The following FBXO11 variants were observed in gnomAD, a reference collection of about 807,000 sequenced individuals.
FBXO11 encodes F-box only protein 11.
A neutral mutation model predicts 117.0 loss-of-function variants in FBXO11; 13 were observed. The observed-to-expected ratio is 0.11, with a 90% CI of 0.07 to 0.18. The LOEUF is 0.18. Among genes scored for constraint, FBXO11 ranks in the 10% least tolerant of loss-of-function variants. The pLI is 1.00. For missense variants in FBXO11, 767 were observed against 1,164.4 expected (o/e 0.66, Z 4.97); for synonymous variants, 490 against 380.5 (o/e 1.29, Z -3.35).
intron 18 of FBXO11, chr2:47,811,306 A>C (rs914024008): frequency 6.6e-6 from 1 of 152,056 alleles, no homozygotes; most frequent in Non-Finnish European, 1.5e-5. Context: ...GCTCACTGCA[A>C]CCCCTGCCTC....
intron 1 of FBXO11, among the ~76,000 whole-genome samples, chr2:47,886,585 G>C (rs900445077): frequency 6.6e-6 from 1 of 151,864 alleles, no homozygotes; most frequent in Non-Finnish European, 1.5e-5. Flanking sequence ...GTTTGCTGCA[G>C]TTCTTTAATA....
At chr2:47,859,298 C>A (rs1465107901) in intron 1 of FBXO11, among the ~76,000 whole-genome samples, 2 of 151,464 alleles carry the variant, frequency 1.3e-5, no homozygotes, top group Non-Finnish European at 2.9e-5. Flanking sequence ...TATTAAAATA[C>A]AAAAATAAAA....
intron 1 of FBXO11, among the ~76,000 whole-genome samples, chr2:47,880,757 T>C (rs574942562): frequency 5.2e-4 from 79 of 152,360 alleles, no homozygotes; most frequent in African/African-American, 1.9e-3. Context: ...CCACCTGGTA[T>C]GTTAAAATCA....
chr2:47,829,259 G>C (rs1157428254), intron 11 of FBXO11, among the ~76,000 whole-genome samples: 3 of 146,206 alleles, frequency 2.1e-5, no homozygotes, highest in East Asian at 2.1e-4. Context: ...TTTATTTTTT[G>C]AGACAGAGTC....
At chr2:47,835,782 G>C (rs1173431181) in intron 5 of FBXO11, 90 bp downstream of exon 5, 5 of 1,018,858 alleles carry the variant, frequency 4.9e-6, no homozygotes, top group Non-Finnish European at 6.9e-6. Flanking sequence ...ACAGGTGTGA[G>C]CCACCACGCC....
intron 1 of FBXO11, among the ~76,000 whole-genome samples, chr2:47,895,883 G>A (rs145988807): frequency 0.013 from 2,009 of 152,172 alleles, 34 homozygotes; most frequent in African/African-American, 0.044. Flanking sequence ...TTTTAGTAGA[G>A]ACAGGGTTTC....
chr2:47,860,833 G>A (rs1388214788), intron 1 of FBXO11, among the ~76,000 whole-genome samples: 1 of 136,752 alleles, frequency 7.3e-6, no homozygotes, highest in South Asian at 2.3e-4. Flanking sequence ...AAAATCAGTT[G>A]TTTTCCCCTA....
intron 1 of FBXO11, among the ~76,000 whole-genome samples, chr2:47,883,080 C>T (rs917423715): frequency 2.0e-5 from 3 of 152,192 alleles, no homozygotes; most frequent in African/African-American, 7.2e-5. Context: ...TATTTACAAG[C>T]TTTACTCAAG....
chr2:47,810,428 T>TA lies in FBXO11; in HGVS notation c.2228-3dup, dbSNP rs748278829. 1 of 1,578,098 alleles carries TA rather than the reference T, an allele frequency of 6.3e-7. No homozygotes were observed. The highest frequency in any genetic ancestry group is 8.7e-7 in the Non-Finnish European group (1 of 1,153,214). ...AAATATCATTTTCTTCAAGGAGACC[T>TA]ATAATAAAATATTTCCTTAGATTAA... On this transcript the variant is annotated splice_polypyrimidine_tract_variant and splice_region_variant and intron_variant, in intron 18 of 22. Coordinates refer to ENST00000403359, the MANE Select transcript of FBXO11 (RefSeq NM_001190274.2).
chr2:47,827,525 TG>T (rs1286662420), intron 11 of FBXO11, among the ~76,000 whole-genome samples: 2 of 152,132 alleles, frequency 1.3e-5, no homozygotes, highest in East Asian at 3.9e-4. Flanking sequence ...CAGGATGGTC[TG>T]GAACTCCTGA....
chr2:47,846,551 G>C (rs1253879907), intron 1 of FBXO11, among the ~76,000 whole-genome samples: 1 of 151,830 alleles, frequency 6.6e-6, no homozygotes, highest in Non-Finnish European at 1.5e-5. Context: ...TGTAATCAAA[G>C]ACTTAAAAAT....
At chr2:47,878,181 G>T (rs1236640598) in intron 1 of FBXO11, among the ~76,000 whole-genome samples, 1 of 152,004 alleles carries the variant, frequency 6.6e-6, no homozygotes, top group African/African-American at 2.4e-5. Context: ...CAGCCCTTTA[G>T]TTTCTGGGGT....
intron 1 of FBXO11, among the ~76,000 whole-genome samples, chr2:47,885,812 T>C (rs894256742): frequency 1.3e-5 from 2 of 152,220 alleles, no homozygotes; most frequent in African/African-American, 4.8e-5. Context: ...ATAAATCTTC[T>C]ATGGCCTTTG....
intron 16 of FBXO11, among the ~76,000 whole-genome samples, chr2:47,817,001 C>G (rs998481159): frequency 6.6e-6 from 1 of 152,146 alleles, no homozygotes; most frequent in Admixed American, 6.5e-5. Context: ...TGAAGTCAGG[C>G]ATTGACTTCT....
intron 13 of FBXO11, 87 bp downstream of exon 13, chr2:47,822,131 G>T: frequency 5.7e-6 from 5 of 870,772 alleles, no homozygotes; most frequent in Non-Finnish European, 9.2e-6. Flanking sequence ...GCTTCCACTT[G>T]GGTAGTTTCA....
intron 1 of FBXO11, among the ~76,000 whole-genome samples, chr2:47,854,539 A>G (rs975266834): frequency 6.6e-5 from 10 of 152,104 alleles, no homozygotes; most frequent in Non-Finnish European, 1.5e-4. Flanking sequence ...AACAGAACCT[A>G]GCTGTATGAC....
At chr2:47,825,032 C>A (rs1468178746) in intron 11 of FBXO11, among the ~76,000 whole-genome samples, 1 of 152,116 alleles carries the variant, frequency 6.6e-6, no homozygotes, top group Non-Finnish European at 1.5e-5. Context: ...ACTATTCTAA[C>A]TTCTGGAGCA....
intron 1 of FBXO11, among the ~76,000 whole-genome samples, chr2:47,881,557 T>C (rs1472121871): frequency 6.6e-6 from 1 of 152,194 alleles, no homozygotes; most frequent in Non-Finnish European, 1.5e-5. Flanking sequence ...TTAGTTTTAT[T>C]TTAATGTTTC....
At chr2:47,860,302 C>A (rs1447686017) in intron 1 of FBXO11, among the ~76,000 whole-genome samples, 2 of 152,082 alleles carry the variant, frequency 1.3e-5, no homozygotes, top group African/African-American at 4.8e-5. Flanking sequence ...TCTCCAACAG[C>A]CAGGGCATGA....
Sources: gnomAD v4.1 joint callset for allele counts (sites outside exome capture counted in the v4.1 genomes callset) on GRCh38, gnomAD v4.1.1 for gene constraint, MANE v1.5 for transcripts, NCBI Gene and HGNC (gene_info 2026-07-23, HGNC 2026-07-21) for gene names.